The following JARID2 variants were observed in gnomAD, a reference collection of about 807,000 sequenced individuals.
The protein encoded by JARID2 is jumonji and AT-rich interaction domain containing 2, also known as protein Jumonji.
Under a neutral mutation model 125.6 loss-of-function variants are expected in JARID2, and 21 were observed. The observed-to-expected ratio is 0.17, with a 90% confidence interval of 0.12 to 0.24. The LOEUF (loss-of-function observed/expected upper bound fraction) is 0.24. Among genes scored for constraint, JARID2 ranks in the 10% least tolerant of loss-of-function variants. JARID2 has a pLI of 1.00. For synonymous variants in JARID2, 736 were observed against 661.6 expected (o/e 1.11, Z -1.73); for missense variants, 1,303 against 1,639.6 (o/e 0.79, Z 3.55).
chr6:15,461,863 G>A (rs1768465728), intron 4 of JARID2, among the ~76,000 whole-genome samples: 1 of 151,454 alleles, frequency 6.6e-6, no homozygotes, highest in Non-Finnish European at 1.5e-5. Context: ...CCCATGTAGA[G>A]TCCCTTCAGT....
Position 15,319,415 on chromosome 6 carries a change from CAG to C in JARID2, c.46-54699_46-54698del, listed in dbSNP as rs369064071. Among the ~76,000 whole-genome samples the C allele has an allele frequency of 8.4e-3, 1,282 of 152,114 alleles. 29 individuals are homozygous for C. Among genetic ancestry groups the C allele is most frequent in the African/African-American group, 0.028 (1,181 of 41,480 alleles). ...GTTGCTTTTTTCTTTTTTTTGGAGA[CAG>C]AGTTTCCCTCAAGCCAGTTGCCCAG... On this transcript the variant is annotated intron_variant, in intron 1 of 17. Transcript: ENST00000341776.
intron 1 of JARID2, among the ~76,000 whole-genome samples, chr6:15,367,752 T>G (rs185507346): frequency 3.2e-4 from 49 of 152,292 alleles, no homozygotes; most frequent in Admixed American, 2.6e-3. Flanking sequence ...AGCAGAGAAA[T>G]CATGATTATT....
At chr6:15,400,567 C>A (rs1765386589) in intron 2 of JARID2, among the ~76,000 whole-genome samples, 1 of 151,976 alleles carries the variant, frequency 6.6e-6, no homozygotes. Flanking sequence ...TCCCCCTCCC[C>A]CCATATGTCA....
At chr6:15,434,219 G>A (rs1184948634) in intron 3 of JARID2, among the ~76,000 whole-genome samples, 2 of 151,876 alleles carry the variant, frequency 1.3e-5, no homozygotes, top group African/African-American at 4.8e-5. Context: ...TAATACTGTA[G>A]CTGTCCCTTG....
intron 1 of JARID2, among the ~76,000 whole-genome samples, chr6:15,307,973 A>G (rs907933403): frequency 6.6e-6 from 1 of 152,330 alleles, no homozygotes; most frequent in Admixed American, 6.5e-5. Context: ...TTGATAAGCT[A>G]TAGACCCTGA....
chr6:15,362,451 T>G (rs6921046), intron 1 of JARID2, among the ~76,000 whole-genome samples: 1 of 152,244 alleles, frequency 6.6e-6, no homozygotes, highest in African/African-American at 2.4e-5. Flanking sequence ...GTAGCATTAC[T>G]GTTGAAGTCA....
intron 3 of JARID2, 62 bp downstream of exon 3, chr6:15,410,427 G>C: frequency 2.6e-6 from 4 of 1,525,158 alleles, no homozygotes; most frequent in Non-Finnish European, 3.6e-6. Context: ...TCAGGTGCCA[G>C]TTTTCACCAC....
chr6:15,412,979 CATT>C (rs1225386744), intron 3 of JARID2, among the ~76,000 whole-genome samples: 1 of 125,772 alleles, frequency 8.0e-6, no homozygotes, highest in African/African-American at 3.0e-5. Context: ...ATTTCTGAAA[CATT>C]ATACATGGGA....
chr6:15,520,204 C>CGAG lies in JARID2; in HGVS notation c.3695_3696insAGG (p.Arg1232_Leu1233insGly). The CGAG allele has an allele frequency of 6.2e-7, 1 of 1,613,526 alleles. No homozygotes were observed. Among genetic ancestry groups the CGAG allele is most frequent in the Non-Finnish European group, 8.5e-7 (1 of 1,179,724 alleles). On this transcript the variant is annotated inframe_insertion, in exon 18 of 18. Transcript: ENST00000341776. ...AGCGACAGTGGACGTGCCCCCCTCC[C>CGAG]GTCTGTCAGCCTCCAGTTCATCCAA...
In JARID2 at chr6:15,504,492, T is replaced by C. The variant is rs1378831378; in HGVS notation, c.2449-8T>C. 1 of 1,605,732 alleles carries C rather than the reference T, an allele frequency of 6.2e-7. No homozygotes were observed. Among genetic ancestry groups the C allele is most frequent in the Non-Finnish European group, 8.5e-7 (1 of 1,172,436 alleles). On this transcript the variant is annotated splice_polypyrimidine_tract_variant and splice_region_variant and intron_variant, in intron 8 of 17. Transcript: ENST00000341776. ...TCTGAAGCTTTACTGTTTTTTGTTT[T>C]GTTTCAGGGAAGGTCTGTTTCTCTA...
intron 6 of JARID2, among the ~76,000 whole-genome samples, chr6:15,488,261 C>G (rs1581633854): frequency 6.6e-6 from 1 of 152,312 alleles, no homozygotes. Context: ...GTTCCCATTC[C>G]TGGACATTGA....
At chr6:15,268,779 C>A (rs1029928187) in intron 1 of JARID2, among the ~76,000 whole-genome samples, 1 of 152,208 alleles carries the variant, frequency 6.6e-6, no homozygotes, top group African/African-American at 2.4e-5. Context: ...AATGCTCACA[C>A]GCAGCTGCAA....
intron 3 of JARID2, among the ~76,000 whole-genome samples, chr6:15,433,404 G>GTCTCTCTC (rs375165836): frequency 3.7e-5 from 5 of 133,616 alleles, no homozygotes; most frequent in African/African-American, 1.5e-4. Context: ...CAACCCCCAT[G>GTCTCTCTC]TCTCTCTGTG....
At chr6:15,299,057 T>C (rs1371327995) in intron 1 of JARID2, among the ~76,000 whole-genome samples, 2 of 151,744 alleles carry the variant, frequency 1.3e-5, no homozygotes, top group Middle Eastern at 3.4e-3. Context: ...TTTGGGGTGC[T>C]TGGGTTCTAA....
intron 6 of JARID2, among the ~76,000 whole-genome samples, chr6:15,490,128 A>G (rs2237124): frequency 0.39 from 59,152 of 152,100 alleles, 11,681 homozygotes; most frequent in East Asian, 0.5. Flanking sequence ...TAAGGTCAGT[A>G]AAAGCAAATT....
chr6:15,280,339 G>GT (rs916364526), intron 1 of JARID2, among the ~76,000 whole-genome samples: 16 of 152,094 alleles, frequency 1.1e-4, no homozygotes, highest in African/African-American at 7.2e-5. Flanking sequence ...TAGTTTCTCG[G>GT]TTTTTTCCCT....
At chr6:15,413,672 T>C (rs1411128847) in intron 3 of JARID2, among the ~76,000 whole-genome samples, 1 of 152,204 alleles carries the variant, frequency 6.6e-6, no homozygotes, top group Non-Finnish European at 1.5e-5. Flanking sequence ...AGTGGTGTGA[T>C]CATGACTTAC....
Position 15,496,962 on chromosome 6 carries a change from T to C in JARID2, c.1737T>C (p.Ala579=), listed in dbSNP as rs1198417831. 4.3e-6 allele frequency: 7 copies of C among 1,612,712 alleles called. No individual in the cohort carries two copies. Among genetic ancestry groups the C allele is most frequent in the South Asian group, 1.1e-5 (1 of 90,932 alleles). The change falls in exon 7 of 18, where the codon GCT becomes GCC. Residue 579 remains alanine, a synonymous_variant. Transcript: ENST00000341776. Reference sequence around the variant, plus strand: ...TCATCTACATCGAGTCGGTCCGCGCTCAGGTGGAGAAGTTCGGGATGTGCA... The same window carrying C: ...TCATCTACATCGAGTCGGTCCGCGCCCAGGTGGAGAAGTTCGGGATGTGCA... ...DPLIYIESVR[A]QVEKFGMCRV...
At chr6:15,368,593 C>A (rs1396144113) in intron 1 of JARID2, 3 of 380,478 alleles carry the variant, frequency 7.9e-6, no homozygotes, top group South Asian at 5.6e-5. Context: ...AGTTGAGTAA[C>A]CAAAAGAGAA....
Sources: gnomAD v4.1 joint callset for allele counts (sites outside exome capture counted in the v4.1 genomes callset) on GRCh38, gnomAD v4.1.1 for gene constraint, MANE v1.5 for transcripts, NCBI Gene and HGNC (gene_info 2026-07-23, HGNC 2026-07-21) for gene names.